The following GALNT17 variants were observed in gnomAD, a reference collection of about 807,000 sequenced individuals.
The protein encoded by GALNT17 is polypeptide N-acetylgalactosaminyltransferase 17, also known as UDP-GalNAc:polypeptide N-acetylgalactosaminyltransferase-like 3.
Under a neutral mutation model 63.7 loss-of-function variants are expected in GALNT17, and 29 were observed. The observed-to-expected ratio is 0.46, with a 90% CI of 0.34 to 0.62. The LOEUF (loss-of-function observed/expected upper bound fraction) is 0.62, where lower values mean the gene tolerates loss of function less well. GALNT17 is among the 20% of genes least tolerant of loss of function. The pLI is 0.01. For synonymous variants in GALNT17, 305 were observed against 318.3 expected (o/e 0.96, Z 0.45); for missense variants, 603 against 799.6 (o/e 0.75, Z 2.97).
intron 6 of GALNT17, among the ~76,000 whole-genome samples, chr7:71,617,350 G>A (rs1237804195): frequency 4.1e-5 from 6 of 147,062 alleles, no homozygotes; most frequent in African/African-American, 1.3e-4. Context: ...TTTTTGAGAC[G>A]GAGTCTCTGT....
intron 5 of GALNT17, among the ~76,000 whole-genome samples, chr7:71,454,384 C>T (rs1439826242): frequency 6.6e-6 from 1 of 152,202 alleles, no homozygotes; most frequent in African/African-American, 2.4e-5. Flanking sequence ...TCATACATGT[C>T]ACTCCAAAGG....
intron 1 of GALNT17, among the ~76,000 whole-genome samples, chr7:71,181,904 G>T (rs1168574254): frequency 6.6e-6 from 1 of 151,506 alleles, no homozygotes; most frequent in East Asian, 2.0e-4. Flanking sequence ...AGGCTGGCGC[G>T]GTGGCTCATG....
chr7:71,264,798 G>A (rs576119400), intron 1 of GALNT17, among the ~76,000 whole-genome samples: 9 of 152,168 alleles, frequency 5.9e-5, no homozygotes, highest in African/African-American at 1.2e-4. Flanking sequence ...GGGCCAGAGA[G>A]TGAAGCGATA....
chr7:71,554,128 C>G (rs1361199192), intron 5 of GALNT17, among the ~76,000 whole-genome samples: 7 of 152,220 alleles, frequency 4.6e-5, no homozygotes. Flanking sequence ...GTGAACCAAC[C>G]TGTCTAGTTC....
chr7:71,364,383 G>A (rs1193631357), intron 2 of GALNT17, among the ~76,000 whole-genome samples: 1 of 152,056 alleles, frequency 6.6e-6, no homozygotes. Context: ...TTCAGTCCTG[G>A]TTTTCACAGG....
At chr7:71,213,038 T>C (rs1425735678) in intron 1 of GALNT17, among the ~76,000 whole-genome samples, 1 of 151,964 alleles carries the variant, frequency 6.6e-6, no homozygotes, top group Non-Finnish European at 1.5e-5. Context: ...ACATGAGATT[T>C]GGAGGGACCA....
intron 2 of GALNT17, among the ~76,000 whole-genome samples, chr7:71,377,028 G>T (rs185596076): frequency 6.9e-6 from 1 of 144,388 alleles, no homozygotes; most frequent in Non-Finnish European, 1.5e-5. Flanking sequence ...GGAGGTGGCA[G>T]TGAGCCAAGA....
intron 5 of GALNT17, among the ~76,000 whole-genome samples, chr7:71,534,402 A>G (rs1326910468): frequency 1.3e-5 from 2 of 152,080 alleles, no homozygotes; most frequent in African/African-American, 4.8e-5. Flanking sequence ...GATCGAGACC[A>G]TCCTGGCCAA....
chr7:71,364,710 A>G (rs968766836), intron 2 of GALNT17, among the ~76,000 whole-genome samples: 2 of 152,190 alleles, frequency 1.3e-5, no homozygotes, highest in Admixed American at 6.5e-5. Flanking sequence ...TGAAGAAGGC[A>G]TGACTTTGCC....
intron 5 of GALNT17, among the ~76,000 whole-genome samples, chr7:71,444,783 T>A (rs1220801909): frequency 1.3e-5 from 2 of 152,122 alleles, no homozygotes. Context: ...GGCGAGATGG[T>A]GTCACTGCAC....
intron 5 of GALNT17, among the ~76,000 whole-genome samples, chr7:71,558,366 G>C (rs772945994): frequency 6.6e-6 from 1 of 151,498 alleles, no homozygotes; most frequent in Non-Finnish European, 1.5e-5. Context: ...TTGAATTTTC[G>C]TGTGTACAGG....
intron 5 of GALNT17, among the ~76,000 whole-genome samples, chr7:71,553,545 C>A (rs1789115031): frequency 6.6e-6 from 1 of 152,058 alleles, no homozygotes; most frequent in African/African-American, 2.4e-5. Flanking sequence ...ATATTGAATC[C>A]TTGTTCTTTT....
intron 2 of GALNT17, among the ~76,000 whole-genome samples, chr7:71,343,572 A>C (rs1169636462): frequency 6.6e-6 from 1 of 152,146 alleles, no homozygotes; most frequent in Non-Finnish European, 1.5e-5. Flanking sequence ...ACTTGTATGA[A>C]TCCCAAGCTG....
At chr7:71,180,560 G>T (rs189602929) in intron 1 of GALNT17, among the ~76,000 whole-genome samples, 37 of 152,282 alleles carry the variant, frequency 2.4e-4, no homozygotes, top group Non-Finnish European at 2.5e-4. Context: ...TCTTCAAGAT[G>T]CCCTTGGGAA....
At chr7:71,168,612 A>G (rs1032447893) in intron 1 of GALNT17, among the ~76,000 whole-genome samples, 1 of 152,014 alleles carries the variant, frequency 6.6e-6, no homozygotes, top group African/African-American at 2.4e-5. Flanking sequence ...GTACCGTAAC[A>G]TGACGTTTTT....
At chr7:71,509,060 G>A (rs918034054) in intron 5 of GALNT17, among the ~76,000 whole-genome samples, 1 of 152,104 alleles carries the variant, frequency 6.6e-6, no homozygotes, top group African/African-American at 2.4e-5. Context: ...ACGATGGTTC[G>A]ACTTAACGAT....
chr7:71,623,926 A>C (rs1293403850), intron 6 of GALNT17, among the ~76,000 whole-genome samples: 1 of 152,170 alleles, frequency 6.6e-6, no homozygotes, highest in Admixed American at 6.5e-5. Flanking sequence ...GACCCAAAAC[A>C]TGGATCTATA....
chr7:71,595,448 G>A (rs1300969801), intron 6 of GALNT17, among the ~76,000 whole-genome samples: 1 of 151,188 alleles, frequency 6.6e-6, no homozygotes, highest in African/African-American at 2.4e-5. Flanking sequence ...AAAAAAAGAT[G>A]CAAAGGAAAG....
rs1381616849 is a variant in GALNT17, at chr7:71,148,901, A to G, written c.238+15861A>G. On this transcript the variant is annotated intron_variant, in intron 1 of 10. Coordinates refer to ENST00000333538, the MANE Select transcript of GALNT17 (RefSeq NM_022479.3). Reference sequence around the variant, plus strand: ...ATATATATATATATATATGTATACCATAGTTAACCATACACAACTATTTGA... The same window carrying G: ...ATATATATATATATATATGTATACCGTAGTTAACCATACACAACTATTTGA... Among the ~76,000 whole-genome samples the G allele has an allele frequency of 4.6e-5, 5 of 108,564 alleles. No individual in the cohort carries two copies. In the South Asian group the frequency reaches 1.2e-3, roughly 27 times the overall value. 71.2% of individuals were successfully genotyped at this position (108,564 alleles called of 152,430 possible).
Sources: allele counts gnomAD v4.1 joint callset (sites outside exome capture counted in the v4.1 genomes callset), GRCh38; gene constraint gnomAD v4.1.1; transcripts MANE v1.5; gene names NCBI Gene and HGNC (gene_info 2026-07-23, HGNC 2026-07-21).